The following MYT1L variants were observed in gnomAD, a reference collection of about 807,000 sequenced individuals.
The protein encoded by MYT1L is myelin transcription factor 1 like, also known as myelin transcription factor 1-like protein.
Under a neutral mutation model 126.7 loss-of-function variants are expected in MYT1L, and 12 were observed. That is an observed-to-expected ratio of 0.09 (90% confidence interval 0.06 to 0.15). The LOEUF (loss-of-function observed/expected upper bound fraction) is 0.15. MYT1L is among the 10% of genes least tolerant of loss of function. The pLI is 1.00. For missense variants in MYT1L, 979 were observed against 1,585.2 expected (o/e 0.62, Z 6.49); for synonymous variants, 541 against 604.2 (o/e 0.90, Z 1.53).
At chr2:1,992,290 G>A (rs1267241450) in intron 5 of MYT1L, among the ~76,000 whole-genome samples, 2 of 152,206 alleles carry the variant, frequency 1.3e-5, no homozygotes, top group South Asian at 2.1e-4. Flanking sequence ...AATAATACTT[G>A]GCTAGTTTTT....
rs905076205 is a variant in MYT1L at position 2,091,337 on chromosome 2, C to A, written c.-303-37214G>T. 2.6e-5 allele frequency among the ~76,000 whole-genome samples: 4 copies of A among 152,208 alleles called. No individual in the cohort carries two copies. The East Asian group carries it at 5.8e-4, about 22-fold the overall frequency. On this transcript the variant is annotated intron_variant, in intron 3 of 24. Transcript: ENST00000647738. ...CCATCAGAGCTCTTGGGTGGCCAGG[C>A]ACACTGTCAATAAGCAGTAATATTT...
At chr2:1,970,263 C>A (rs2059706584) in intron 8 of MYT1L, among the ~76,000 whole-genome samples, 2 of 152,226 alleles carry the variant, frequency 1.3e-5, no homozygotes, top group Admixed American at 1.3e-4. Context: ...AGGTGGACAG[C>A]CCCAGATAGG....
chr2:1,888,462 G>A (rs1187272743), intron 16 of MYT1L, among the ~76,000 whole-genome samples: 1 of 152,132 alleles, frequency 6.6e-6, no homozygotes, highest in Non-Finnish European at 1.5e-5. Flanking sequence ...TTTCTACATG[G>A]GGCTAATATT....
intron 2 of MYT1L, among the ~76,000 whole-genome samples, chr2:2,207,084 A>G (rs189108971): frequency 3.0e-4 from 45 of 152,358 alleles, no homozygotes; most frequent in Non-Finnish European, 3.4e-4. Context: ...ACAGAAACAC[A>G]CATAAAACAA....
chr2:1,995,573 C>T (rs552703066), intron 5 of MYT1L, among the ~76,000 whole-genome samples: 3 of 152,134 alleles, frequency 2.0e-5, no homozygotes, highest in Non-Finnish European at 4.4e-5. Flanking sequence ...TCAGCACAGC[C>T]GCTGTAGGGG....
At chr2:2,188,455 C>T (rs962544732) in intron 2 of MYT1L, among the ~76,000 whole-genome samples, 2 of 152,198 alleles carry the variant, frequency 1.3e-5, no homozygotes, top group African/African-American at 2.4e-5. Context: ...CCGATAGGAG[C>T]CGTGCACAAG....
intron 3 of MYT1L, among the ~76,000 whole-genome samples, chr2:2,112,126 G>C (rs1056056968): frequency 3.9e-5 from 6 of 152,190 alleles, no homozygotes; most frequent in Non-Finnish European, 7.3e-5. Context: ...CTGGGACCTT[G>C]TGCTCCTCAG....
chr2:2,078,619 T>G (rs1349758742), intron 3 of MYT1L, among the ~76,000 whole-genome samples: 1 of 152,172 alleles, frequency 6.6e-6, no homozygotes, highest in Non-Finnish European at 1.5e-5. Context: ...GAGAAGAGGT[T>G]CAATGAGTCA....
Position 1,917,428 on chromosome 2 carries a change from A to T in MYT1L, c.1484-89T>A. On this transcript the variant is annotated intron_variant, in intron 10 of 24. Transcript: ENST00000647738. The surrounding 1 kb of genome is among the most constrained non-coding windows in gnomAD (Gnocchi z 5.9). ...TCACAATCTGAAGAAACCTTGCTAA[A>T]GAAAGAAATAAAGCAGGTGTCGGGG... is the stretch of plus-strand genomic sequence containing the variant. The T allele has an allele frequency of 6.8e-7, 1 of 1,472,796 alleles. No homozygotes were observed. The highest frequency in any genetic ancestry group is 1.3e-5 in the South Asian group (1 of 74,452). The allele number at this position is 1,472,796 out of a possible 1,614,324, so 91.2% of individuals were successfully genotyped here.
At chr2:1,822,547 C>T (rs139406601) in intron 21 of MYT1L, among the ~76,000 whole-genome samples, 4 of 152,316 alleles carry the variant, frequency 2.6e-5, no homozygotes, top group Non-Finnish European at 4.4e-5. Context: ...GAGGGCTGGC[C>T]CTGGGACCAC....
intron 18 of MYT1L, among the ~76,000 whole-genome samples, chr2:1,882,233 G>A (rs188610727): frequency 4.0e-4 from 61 of 152,242 alleles, no homozygotes; most frequent in African/African-American, 1.3e-3. Flanking sequence ...GCCCTGGGCC[G>A]TGCTTGCTGG....
At chr2:2,314,167 A>C (rs2096023200) in intron 1 of MYT1L, among the ~76,000 whole-genome samples, 1 of 152,248 alleles carries the variant, frequency 6.6e-6, no homozygotes, top group Non-Finnish European at 1.5e-5. Flanking sequence ...TCATATGTTC[A>C]GATCATAGAA....
At chr2:1,818,287 C>A (rs539576882) in intron 21 of MYT1L, among the ~76,000 whole-genome samples, 2 of 152,128 alleles carry the variant, frequency 1.3e-5, no homozygotes, top group South Asian at 2.1e-4. Context: ...TGAGAACTCA[C>A]GACAAAGAGC....
chr2:1,875,948 G>GC (rs1269692410), intron 18 of MYT1L, among the ~76,000 whole-genome samples: 2 of 152,048 alleles, frequency 1.3e-5, no homozygotes, highest in African/African-American at 4.8e-5. Context: ...CAGGAAAAAC[G>GC]CATTATTTAA....
intron 3 of MYT1L, among the ~76,000 whole-genome samples, chr2:2,151,431 G>A (rs1177830264): frequency 1.3e-5 from 2 of 152,002 alleles, no homozygotes; most frequent in African/African-American, 2.4e-5. Context: ...GGACTACTGA[G>A]TACTGACCAT....
chr2:2,122,002 G>A (rs773251784), intron 3 of MYT1L, among the ~76,000 whole-genome samples: 151 of 152,322 alleles, frequency 9.9e-4, no homozygotes, highest in Middle Eastern at 3.4e-3. Context: ...CCCTGACCAG[G>A]GAAGGTGAGG....
At chr2:1,818,017 C>T (rs2037948102) in intron 21 of MYT1L, among the ~76,000 whole-genome samples, 1 of 152,178 alleles carries the variant, frequency 6.6e-6, no homozygotes, top group African/African-American at 2.4e-5. Context: ...GCGTCAGCAC[C>T]AGGGATTCCA....
rs1337311661 is a variant in MYT1L, at chr2:1,789,972, T to A, written c.*1895A>T. 1 of 152,146 alleles carries A rather than the reference T, an allele frequency of 6.6e-6. No individual in the cohort carries two copies. The highest frequency in any genetic ancestry group is 2.4e-5 in the African/African-American group (1 of 41,436). 9.4% of individuals were successfully genotyped at this position (152,146 alleles called of 1,614,324 possible). On this transcript the variant is annotated 3_prime_UTR_variant, in exon 25 of 25. Transcript: ENST00000647738. ...TGGGATATACATATATTTATACACA[T>A]ATATATATACCGAGGTTGAGTATTG...
chr2:2,305,622 T>C (rs1459336066), intron 1 of MYT1L, among the ~76,000 whole-genome samples: 2 of 152,102 alleles, frequency 1.3e-5, no homozygotes, highest in Non-Finnish European at 2.9e-5. Flanking sequence ...CTGGGAAATT[T>C]ATAAAGAAAA....
Sources: gnomAD v4.1 joint callset for allele counts (sites outside exome capture counted in the v4.1 genomes callset) on GRCh38, gnomAD v4.1.1 for gene constraint, Gnocchi (gnomAD v3.1) non-coding constraint, MANE v1.5 for transcripts, NCBI Gene and HGNC (gene_info 2026-07-23, HGNC 2026-07-21) for gene names.